DGLUCY: variants seen among roughly 807,000 people sequenced by gnomAD.
The protein encoded by DGLUCY is D-glutamate cyclase, mitochondrial.
A neutral mutation model predicts 58.5 loss-of-function variants in DGLUCY; 58 were observed. The ratio of observed to expected loss-of-function variants is 0.99; its 90% confidence interval spans 0.80 to 1.23. The LOEUF (loss-of-function observed/expected upper bound fraction) is 1.23. Among genes scored for constraint, DGLUCY ranks in the 50% most tolerant of loss-of-function variants. DGLUCY has a pLI of 0.00. For synonymous variants in DGLUCY, 325 were observed against 314.1 expected (o/e 1.03, Z -0.37); for missense variants, 779 against 784.7 (o/e 0.99, Z 0.09).
intron 1 of DGLUCY, among the ~76,000 whole-genome samples, chr14:91,092,715 A>G (rs1380701060): frequency 6.6e-6 from 1 of 152,210 alleles, no homozygotes; most frequent in Non-Finnish European, 1.5e-5. Context: ...CCAAAGGAGT[A>G]TGCAATTCAA....
intron 1 of DGLUCY, among the ~76,000 whole-genome samples, chr14:91,061,825 A>T (rs1482380443): frequency 1.3e-5 from 2 of 152,220 alleles, no homozygotes; most frequent in Non-Finnish European, 2.9e-5. Flanking sequence ...TTTTTTTAGT[A>T]CACAGTGATG....
intron 1 of DGLUCY, among the ~76,000 whole-genome samples, chr14:91,072,367 A>G (rs1595607709): frequency 6.6e-6 from 1 of 151,994 alleles, no homozygotes; most frequent in East Asian, 1.9e-4. Flanking sequence ...TTTTTAAAAC[A>G]GACACGATTC....
At chr14:91,119,040 ATTAG>A (rs959132038) in intron 1 of DGLUCY, among the ~76,000 whole-genome samples, 4 of 152,166 alleles carry the variant, frequency 2.6e-5, no homozygotes, top group East Asian at 1.9e-4. Flanking sequence ...GATACTCTGT[ATTAG>A]TTAGGGTACA....
At chr14:91,190,994 G>A (rs2049852848) in intron 9 of DGLUCY, among the ~76,000 whole-genome samples, 1 of 152,164 alleles carries the variant, frequency 6.6e-6, no homozygotes, top group South Asian at 2.1e-4. Flanking sequence ...TCTGATTTCA[G>A]CTGCCACTGC....
intron 12 of DGLUCY, 101 bp from the exon 13 acceptor site, chr14:91,215,304 G>C (rs1886343516): frequency 1.1e-5 from 17 of 1,501,416 alleles, no homozygotes; most frequent in Non-Finnish European, 1.4e-5. Context: ...GGTGCTACGG[G>C]ACCGTGGACC....
intron 1 of DGLUCY, among the ~76,000 whole-genome samples, chr14:91,118,656 A>G (rs964628200): frequency 6.6e-6 from 1 of 152,190 alleles, no homozygotes; most frequent in Non-Finnish European, 1.5e-5. Context: ...AGTTGTATCT[A>G]AACTCCCAAG....
Position 91,155,797 on chromosome 14 carries a change from C to CAA in DGLUCY, c.-81-1827_-81-1826dup, listed in dbSNP as rs543323125. On this transcript the variant is annotated intron_variant, in intron 1 of 13. Coordinates refer to ENST00000256324, the MANE Select transcript of DGLUCY (RefSeq NM_001102368.3). Reference sequence around the variant, plus strand: ...GGGCAAGAGAGCAAGACCCTGTTTCCAAAAAAAAAAAAAAAAGGACAGAAA... The same window carrying CAA: ...GGGCAAGAGAGCAAGACCCTGTTTCCAAAAAAAAAAAAAAAAAAGGACAGAAA... Among the ~76,000 whole-genome samples the CAA allele has an allele frequency of 2.2e-3, 216 of 96,492 alleles. 2 individuals carry two copies. The highest frequency in any genetic ancestry group is 5.4e-3 in the Middle Eastern group (1 of 186). The allele number at this position is 96,492 out of a possible 152,430, so 63.3% of individuals were successfully genotyped here. A position where few individuals can be genotyped will look rare whatever the true frequency, so the allele number is the denominator to read the frequency against.
chr14:91,186,256 C>G (rs571683659), intron 8 of DGLUCY, among the ~76,000 whole-genome samples: 15 of 152,116 alleles, frequency 9.9e-5, no homozygotes, highest in African/African-American at 3.4e-4. Context: ...CCTCGCCCCC[C>G]CTTTTTTTGA....
At chr14:91,150,856 T>A (rs1454739900) in intron 1 of DGLUCY, among the ~76,000 whole-genome samples, 1 of 152,236 alleles carries the variant, frequency 6.6e-6, no homozygotes, top group East Asian at 1.9e-4. Flanking sequence ...TTCTGTGGCA[T>A]TAAGTACATT....
At chr14:91,128,626 AC>A (rs574885682) in intron 1 of DGLUCY, among the ~76,000 whole-genome samples, 1 of 150,986 alleles carries the variant, frequency 6.6e-6, no homozygotes, top group Non-Finnish European at 1.5e-5. Context: ...TTTGTTTCTC[AC>A]CCCCCCTTTG....
At chr14:91,126,118 C>T (rs2045663313) in intron 1 of DGLUCY, among the ~76,000 whole-genome samples, 1 of 152,086 alleles carries the variant, frequency 6.6e-6, no homozygotes, top group South Asian at 2.1e-4. Flanking sequence ...TTGCTGGGCA[C>T]GTAATGGTTT....
At chr14:91,213,902 G>A (rs1487566177) in intron 12 of DGLUCY, among the ~76,000 whole-genome samples, 1 of 152,224 alleles carries the variant, frequency 6.6e-6, no homozygotes, top group East Asian at 1.9e-4. Flanking sequence ...GTTTCACCAT[G>A]TTGGCCAGGC....
At chr14:91,112,463 A>G (rs1037246686), upstream of DGLUCY, among the ~76,000 whole-genome samples, 2 of 152,164 alleles carry the variant, frequency 1.3e-5, no homozygotes, top group Admixed American at 1.3e-4. Context: ...TGTGGTCATT[A>G]TGGACCTTCG....
intron 12 of DGLUCY, among the ~76,000 whole-genome samples, chr14:91,205,785 T>C (rs867383621): frequency 3.6e-5 from 5 of 137,612 alleles, no homozygotes; most frequent in Non-Finnish European, 6.2e-5. Flanking sequence ...TTCTTCTTCT[T>C]CTTCTTCTTC....
At chr14:91,082,624 C>T (rs1176806075) in intron 1 of DGLUCY, among the ~76,000 whole-genome samples, 1 of 152,160 alleles carries the variant, frequency 6.6e-6, no homozygotes, top group Non-Finnish European at 1.5e-5. Context: ...AATTGCAAGC[C>T]TCTTCCTTTC....
At chr14:91,088,378 T>C (rs2044255679) in intron 1 of DGLUCY, among the ~76,000 whole-genome samples, 1 of 152,188 alleles carries the variant, frequency 6.6e-6, no homozygotes, top group Non-Finnish European at 1.5e-5. Context: ...TACTTTTCTT[T>C]CCTTCCTGGA....
intron 4 of DGLUCY, among the ~76,000 whole-genome samples, chr14:91,168,638 G>A (rs2048407779): frequency 1.3e-5 from 2 of 152,132 alleles, no homozygotes; most frequent in Admixed American, 1.3e-4. Context: ...TCCTATTCAT[G>A]CCTCAAGACC....
chr14:91,190,026 C>T (rs1459397018), intron 9 of DGLUCY, among the ~76,000 whole-genome samples: 3 of 124,734 alleles, frequency 2.4e-5, no homozygotes, highest in East Asian at 2.5e-4. Context: ...CTCGCTCTGT[C>T]GCCCAGGCTG....
At chr14:91,132,045 G>A (rs1391435317) in intron 1 of DGLUCY, among the ~76,000 whole-genome samples, 1 of 152,130 alleles carries the variant, frequency 6.6e-6, no homozygotes, top group Non-Finnish European at 1.5e-5. Context: ...TGCCCACCTT[G>A]GCCTCCCAAA....
Sources: allele counts gnomAD v4.1 joint callset (sites outside exome capture counted in the v4.1 genomes callset), GRCh38; gene constraint gnomAD v4.1.1; transcripts MANE v1.5; gene names NCBI Gene and HGNC (gene_info 2026-07-23, HGNC 2026-07-21).